PLK5: variants seen among roughly 807,000 people sequenced by gnomAD.
The protein encoded by PLK5 is polo like kinase 5 (inactive).
In PLK5, 28 loss-of-function variants were observed where a neutral mutation model predicts 33.7. That is an observed-to-expected ratio of 0.83 (90% CI 0.62 to 1.14). The LOEUF (loss-of-function observed/expected upper bound fraction) is 1.14. Among genes scored for constraint, PLK5 ranks in the 50% most tolerant of loss-of-function variants. PLK5 has a pLI of 0.00. For missense variants in PLK5, 492 were observed against 461.5 expected (o/e 1.07, Z -0.61); for synonymous variants, 225 against 202.2 (o/e 1.11, Z -0.96).
chr19:1,528,154 G>GTGGGGTCCCTGGCA lies in PLK5; in HGVS notation c.201+33_201+34insATGGGGTCCCTGGC, dbSNP rs572048852. 3.2e-4 allele frequency: 483 copies of GTGGGGTCCCTGGCA among 1,523,370 alleles called. 4 individuals carry two copies. In the South Asian group the frequency reaches 5.4e-3, roughly 17 times the overall value. The allele number at this position is 1,523,370 out of a possible 1,614,324, so 94.4% of individuals were successfully genotyped here. ...ACACAGGTGGGCGGCGGTCCTCGGCGTGGGGTCCCTGGCGTGGGGTCCCTG... is the reference window on the plus strand; with the variant it reads ...ACACAGGTGGGCGGCGGTCCTCGGCGTGGGGTCCCTGGCATGGGGTCCCTGGCGTGGGGTCCCTG... On this transcript the variant is annotated intron_variant, in intron 7 of 13. Coordinates refer to ENST00000454744, the MANE Select transcript of PLK5 (RefSeq NM_001243079.2).
Position 1,529,463 on chromosome 19 carries a change from C to G in PLK5, c.463C>G (p.Gln155Glu), listed in dbSNP as rs925174830. 8 of 1,536,052 alleles carry G rather than the reference C, an allele frequency of 5.2e-6. No individual in the cohort carries two copies. The highest frequency in any genetic ancestry group is 7.0e-6 in the Non-Finnish European group (8 of 1,146,842). Residue 155 changes from glutamine (Q) to glutamate (E), a missense_variant, in exon 10 of 14, where the codon CAA (glutamine) becomes GAA (glutamate). By Grantham distance (29) the Gln-to-Glu change is conservative. Transcript: ENST00000454744. ...GGAAGGCCCCATCCACCTGGTCGCA[C>G]AAGGGACCCTGCAGAGTGACCTGGC... ...CLEGPIHLVA[Q>E]GTLQSDLAGP...
At chr19:1,531,667 C>A in intron 11 of PLK5, 71 bp from the exon 12 acceptor site, 1 of 1,488,492 alleles carries the variant, frequency 6.7e-7, no homozygotes, top group Non-Finnish European at 8.9e-7. Flanking sequence ...TTCAGTCCAT[C>A]ACATTTATTG....
Position 1,528,988 on chromosome 19 carries a change from G to C in PLK5, c.405+14G>C. 4 of 1,495,360 alleles carry C rather than the reference G, an allele frequency of 2.7e-6. No homozygotes were observed. Among genetic ancestry groups the C allele is most frequent in the Non-Finnish European group, 3.5e-6 (4 of 1,127,706 alleles). 92.6% of individuals were successfully genotyped at this position (1,495,360 alleles called of 1,614,324 possible). On this transcript the variant is annotated intron_variant, in intron 9 of 13. Coordinates refer to ENST00000454744, the MANE Select transcript of PLK5 (RefSeq NM_001243079.2). ...TGGGACGGCGAGGTGAGACATCGGGGTGGGGGACACGGGGAGACACAGGTG... is the reference window on the plus strand; with the variant it reads ...TGGGACGGCGAGGTGAGACATCGGGCTGGGGGACACGGGGAGACACAGGTG...
In PLK5 at chr19:1,529,386, C is replaced by T; in HGVS notation, c.406-20C>T. 1 of 1,533,026 alleles carries T rather than the reference C, an allele frequency of 6.5e-7. No homozygotes were observed. Among genetic ancestry groups the T allele is most frequent in the Non-Finnish European group, 8.7e-7 (1 of 1,144,770 alleles). The allele number at this position is 1,533,026 out of a possible 1,614,324, so 95.0% of individuals were successfully genotyped here. A position where few individuals can be genotyped will look rare whatever the true frequency, so the allele number is the denominator to read the frequency against. On this transcript the variant is annotated intron_variant, in intron 9 of 13. Coordinates refer to ENST00000454744, the MANE Select transcript of PLK5 (RefSeq NM_001243079.2). ...GGGCTGGGGCCGGGGCCACCCCCAC[C>T]CCTGCTGCTCCCACCTCAGAGCTCC...
At position 1,524,104 on chromosome 19, in the gene PLK5, G is replaced by T. The variant is rs1032428392; in HGVS notation, c.-686G>T. 23 of 151,242 alleles carry T rather than the reference G, an allele frequency of 1.5e-4. No individual in the cohort carries two copies. Among genetic ancestry groups the T allele is most frequent in the African/African-American group, 5.3e-4 (22 of 41,448 alleles). 9.4% of individuals were successfully genotyped at this position (151,242 alleles called of 1,614,324 possible). ...AGCGGCCCCGGAGCGGCCGCAGCGC[G>T]GTGGTCTCGGCCCGGCTGCGCCAGA... On this transcript the variant is annotated 5_prime_UTR_variant, in exon 1 of 14. Transcript: ENST00000454744. The surrounding 1 kb of genome is among the most constrained non-coding windows in gnomAD (Gnocchi z 4.5).
At chr19:1,529,702 G>T in intron 10 of PLK5, 45 bp from the exon 11 acceptor site, 2 of 1,527,272 alleles carry the variant, frequency 1.3e-6, no homozygotes, top group Non-Finnish European at 1.8e-6. Context: ...GAGCCTGGTG[G>T]TGGGAACCCA....
chr19:1,527,038 G>GA, intron 6 of PLK5, 40 bp downstream of exon 6: 1 of 1,447,514 alleles, frequency 6.9e-7, no homozygotes, highest in Non-Finnish European at 9.1e-7. Context: ...GGCCTCCGGG[G>GA]GGGGCAGGTG....
chr19:1,528,946 A>T lies in PLK5; in HGVS notation c.377A>T (p.Asp126Val). 1 of 1,519,562 alleles carries T rather than the reference A, an allele frequency of 6.6e-7. No homozygotes were observed. Among genetic ancestry groups the T allele is most frequent in the Non-Finnish European group, 8.8e-7 (1 of 1,139,298 alleles). The allele number at this position is 1,519,562 out of a possible 1,614,324, so 94.1% of individuals were successfully genotyped here. Residue 126 changes from aspartate (D) to valine (V), a missense_variant, in exon 9 of 14, where the codon GAC becomes GTC. Physicochemically the swap from Asp to Val is radical, Grantham distance 152 (BLOSUM62 -3). Coordinates refer to ENST00000454744, the MANE Select transcript of PLK5 (RefSeq NM_001243079.2). ...EASGPGEGGP[D>V]PDSMEWDGES... is the part of the protein sequence containing the mutation. ...TCGGGTCCAGGAGAAGGTGGGCCAG[A>T]CCCTGACTCCATGGAGTGGGACGGC... is the stretch of plus-strand genomic sequence containing the variant.
intron 6 of PLK5, among the ~76,000 whole-genome samples, chr19:1,527,254 C>T (rs1246361558): frequency 1.3e-5 from 2 of 151,836 alleles, no homozygotes; most frequent in Admixed American, 1.3e-4. Flanking sequence ...CGTATGTGTA[C>T]AGGGATACAG....
intron 11 of PLK5, among the ~76,000 whole-genome samples, chr19:1,530,626 T>TC (rs1913900201): frequency 7.8e-6 from 1 of 128,930 alleles, no homozygotes; most frequent in Non-Finnish European, 1.6e-5. Flanking sequence ...TTTTTTTTTT[T>TC]TTTTTTTTTT....
At chr19:1,527,035 G>A (rs1306082172) in intron 6 of PLK5, 37 bp downstream of exon 6, 30 of 1,357,238 alleles carry the variant, frequency 2.2e-5, no homozygotes, top group East Asian at 2.7e-5. Context: ...CAGGGCCTCC[G>A]GGGGGGGCAG....
chr19:1,532,887 C>G (rs265288), intron 12 of PLK5, among the ~76,000 whole-genome samples: 1 of 150,736 alleles, frequency 6.6e-6, no homozygotes, highest in Non-Finnish European at 1.5e-5. Context: ...AGGATGGTCT[C>G]GATCTCCTGA....
intron 6 of PLK5, 106 bp downstream of exon 6, chr19:1,527,104 C>T (rs1477220945): frequency 3.0e-5 from 36 of 1,219,036 alleles, no homozygotes; most frequent in Non-Finnish European, 3.5e-5. Context: ...GGGTGGGGCG[C>T]GTGGAACAGG....
chr19:1,527,428 C>G (rs575608386), intron 6 of PLK5, among the ~76,000 whole-genome samples: 2 of 151,938 alleles, frequency 1.3e-5, no homozygotes, highest in East Asian at 3.9e-4. Context: ...TTGGTGAAAC[C>G]CTGTCTCTAC....
intron 7 of PLK5, 25 bp from the exon 8 acceptor site, chr19:1,528,277 G>A: frequency 6.5e-7 from 1 of 1,535,860 alleles, no homozygotes; most frequent in Non-Finnish European, 8.7e-7. Flanking sequence ...CTAAGCCGGG[G>A]ATAACCCCAA....
At chr19:1,533,097 T>G (rs1411287748) in intron 12 of PLK5, among the ~76,000 whole-genome samples, 1 of 152,102 alleles carries the variant, frequency 6.6e-6, no homozygotes, top group Middle Eastern at 3.2e-3. Flanking sequence ...ATTGCACCAC[T>G]GCGCTCCAGC....
chr19:1,527,899 C>T, intron 6 of PLK5, 37 bp from the exon 7 acceptor site: 3 of 1,517,936 alleles, frequency 2.0e-6, no homozygotes, highest in Non-Finnish European at 1.8e-6. Context: ...CTGAGCGATG[C>T]CTGGACACCC....
rs747172036 is a variant in PLK5 at position 1,527,903 on chromosome 19, G to A, written c.3-33G>A. 2.0e-6 allele frequency: 3 copies of A among 1,521,568 alleles called. No individual in the cohort carries two copies. In the South Asian group the frequency reaches 3.7e-5, roughly 19 times the overall value. 94.3% of individuals were successfully genotyped at this position (1,521,568 alleles called of 1,614,324 possible). A position where few individuals can be genotyped will look rare whatever the true frequency, so the allele number is the denominator to read the frequency against. On this transcript the variant is annotated intron_variant, in intron 6 of 13. Transcript: ENST00000454744. Reference sequence around the variant, plus strand: ...CAGGGGTAGCTCTGAGCGATGCCTGGACACCCAGGTTCTTGCCCCCCACCT... The same window carrying A: ...CAGGGGTAGCTCTGAGCGATGCCTGAACACCCAGGTTCTTGCCCCCCACCT...
chr19:1,528,347 C>G lies in PLK5; in HGVS notation c.247C>G (p.Pro83Ala). 2.0e-6 allele frequency: 3 copies of G among 1,535,804 alleles called. No homozygotes were observed. Among genetic ancestry groups the G allele is most frequent in the Non-Finnish European group, 2.6e-6 (3 of 1,146,794 alleles). Residue 83 changes from proline to alanine, a missense_variant, in exon 8 of 14, where the codon CCC becomes GCC. Coordinates refer to ENST00000454744, the MANE Select transcript of PLK5 (RefSeq NM_001243079.2). ...RLPAHSCHSP[P>A]IFAIPPPLGR... ...GCCGGCCCACTCCTGCCACAGTCCC[C>G]CCATCTTCGCCATACCCCCGCCTCT...
Sources: gnomAD v4.1 joint callset for allele counts (sites outside exome capture counted in the v4.1 genomes callset) on GRCh38, gnomAD v4.1.1 for gene constraint, Gnocchi (gnomAD v3.1) non-coding constraint, MANE v1.5 for transcripts, NCBI Gene and HGNC (gene_info 2026-07-23, HGNC 2026-07-21) for gene names.